RCAN2: variants seen among roughly 807,000 people sequenced by gnomAD.
RCAN2 encodes calcipressin-2.
RCAN2 carries 9 observed loss-of-function variants against 23.6 expected under a neutral mutation model. That is an observed-to-expected ratio of 0.38 (90% CI 0.23 to 0.67). The LOEUF (loss-of-function observed/expected upper bound fraction) is 0.67, where lower values mean the gene tolerates loss of function less well. Ranked by LOEUF, RCAN2 falls within the 30% of genes least tolerant of loss-of-function variation. The probability of loss-of-function intolerance (pLI) is 0.51; values close to 1 mark genes in which losing one functional copy is unlikely to be tolerated. For missense variants in RCAN2, 273 were observed against 302.3 expected (o/e 0.90, Z 0.72); for synonymous variants, 109 against 115.7 (o/e 0.94, Z 0.37).
intron 3 of RCAN2, among the ~76,000 whole-genome samples, chr6:46,247,271 C>T (rs1219711276): frequency 6.6e-6 from 1 of 152,170 alleles, no homozygotes; most frequent in African/African-American, 2.4e-5. Flanking sequence ...TCCACTGTCC[C>T]ACCACGCACC....
chr6:46,365,697 ATTT>A (rs1360184797), intron 2 of RCAN2, among the ~76,000 whole-genome samples: 1 of 152,096 alleles, frequency 6.6e-6, no homozygotes, highest in Non-Finnish European at 1.5e-5. Flanking sequence ...ATAGTCTCAA[ATTT>A]TATACTTAAA....
At chr6:46,353,769 C>A (rs1163008753) in intron 2 of RCAN2, among the ~76,000 whole-genome samples, 1 of 152,166 alleles carries the variant, frequency 6.6e-6, no homozygotes, top group Admixed American at 6.5e-5. Context: ...GAGAAGGAAA[C>A]ACTGATTTAT....
At chr6:46,309,558 T>C (rs1582090530) in intron 2 of RCAN2, among the ~76,000 whole-genome samples, 2 of 152,172 alleles carry the variant, frequency 1.3e-5, no homozygotes, top group African/African-American at 4.8e-5. Context: ...ATACAATTAA[T>C]TGACAATGCT....
At chr6:46,262,390 G>T (rs1767139576) in intron 2 of RCAN2, among the ~76,000 whole-genome samples, 1 of 151,920 alleles carries the variant, frequency 6.6e-6, no homozygotes. Flanking sequence ...ACTGCACTTG[G>T]TCTCCCTGGT....
At chr6:46,443,057 G>A (rs967364246) in intron 2 of RCAN2, among the ~76,000 whole-genome samples, 2 of 152,152 alleles carry the variant, frequency 1.3e-5, no homozygotes, top group Non-Finnish European at 2.9e-5. Flanking sequence ...TTAACCTCCA[G>A]AGTACAATGA....
Position 46,481,023 on chromosome 6 carries a change from A to C in RCAN2, c.-3+10150T>G, listed in dbSNP as rs141957929. Among the ~76,000 whole-genome samples the C allele has an allele frequency of 1.0e-3, 155 of 152,360 alleles. 1 individual carries two copies. Among genetic ancestry groups the C allele is most frequent in the African/African-American group, 3.6e-3 (151 of 41,586 alleles). On this transcript the variant is annotated intron_variant, in intron 1 of 4. Coordinates refer to ENST00000371374, the MANE Select transcript of RCAN2 (RefSeq NM_001251974.2). ...TTCGTGTTTCCGAATTATTTAGAAT[A>C]AATATGATGGATAGTCAGTTCATTT...
rs535095293 is a variant in RCAN2 at position 46,230,930 on chromosome 6, C to T, written c.572-7629G>A. 7.8e-4 allele frequency among the ~76,000 whole-genome samples: 119 copies of T among 152,222 alleles called. 1 individual carries two copies. Among genetic ancestry groups the T allele is most frequent in the African/African-American group, 2.4e-3 (99 of 41,534 alleles). ...TACAGTTTTAAATTCTGGGTGCTGACGTTAGGGAATGAGGAACACTGATAA... is the reference window on the plus strand; with the variant it reads ...TACAGTTTTAAATTCTGGGTGCTGATGTTAGGGAATGAGGAACACTGATAA... On this transcript the variant is annotated intron_variant, in intron 4 of 4. Transcript: ENST00000371374.
chr6:46,268,128 G>A (rs1405810813), intron 2 of RCAN2, among the ~76,000 whole-genome samples: 4 of 152,164 alleles, frequency 2.6e-5, no homozygotes, highest in Non-Finnish European at 5.9e-5. Flanking sequence ...TGGGAGTTTG[G>A]ATTTGCTGTT....
chr6:46,420,158 T>C (rs1003171196), intron 2 of RCAN2, among the ~76,000 whole-genome samples: 3 of 151,706 alleles, frequency 2.0e-5, no homozygotes, highest in Non-Finnish European at 4.4e-5. Flanking sequence ...TTATAAGCCA[T>C]ACAACCCTCA....
At chr6:46,335,802 G>A (rs551622691) in intron 2 of RCAN2, among the ~76,000 whole-genome samples, 3 of 152,226 alleles carry the variant, frequency 2.0e-5, no homozygotes, top group Admixed American at 1.3e-4. Context: ...TGTTTAGAAT[G>A]TCATATTTAT....
chr6:46,310,032 A>G (rs1763204775), intron 2 of RCAN2, among the ~76,000 whole-genome samples: 1 of 152,128 alleles, frequency 6.6e-6, no homozygotes, highest in African/African-American at 2.4e-5. Context: ...GTGCTTATAT[A>G]CTACCCATCC....
intron 2 of RCAN2, among the ~76,000 whole-genome samples, chr6:46,299,971 T>C (rs1762852552): frequency 1.3e-5 from 2 of 152,004 alleles, no homozygotes; most frequent in South Asian, 4.1e-4. Context: ...ATTTTTATGA[T>C]ATACACGAAG....
intron 1 of RCAN2, among the ~76,000 whole-genome samples, chr6:46,466,451 C>T (rs1768387730): frequency 6.6e-6 from 1 of 152,066 alleles, no homozygotes; most frequent in Non-Finnish European, 1.5e-5. Context: ...ACAGGACTCA[C>T]TAGAAGTCCA....
intron 2 of RCAN2, among the ~76,000 whole-genome samples, chr6:46,282,381 T>TA (rs746550021): frequency 0.085 from 11,689 of 137,958 alleles, 586 homozygotes; most frequent in African/African-American, 0.14. Context: ...TCATCTCTAC[T>TA]AAAAAAAAAA....
chr6:46,361,194 A>G (rs903945267), intron 2 of RCAN2, among the ~76,000 whole-genome samples: 1 of 152,204 alleles, frequency 6.6e-6, no homozygotes, highest in African/African-American at 2.4e-5. Context: ...AAGAAGTGAC[A>G]TGGAGAACTC....
At chr6:46,249,157 G>A (rs756636034) in intron 2 of RCAN2, among the ~76,000 whole-genome samples, 5 of 151,556 alleles carry the variant, frequency 3.3e-5, no homozygotes, top group African/African-American at 4.9e-5. Context: ...GGGAAATTAC[G>A]CAAAATGTTG....
intron 2 of RCAN2, among the ~76,000 whole-genome samples, chr6:46,275,812 G>T (rs1046890651): frequency 6.6e-6 from 1 of 152,186 alleles, no homozygotes; most frequent in Non-Finnish European, 1.5e-5. Flanking sequence ...CGACCAGAAA[G>T]TTTCTTAAAG....
chr6:46,447,949 C>A (rs1410221856), intron 2 of RCAN2, among the ~76,000 whole-genome samples: 6 of 151,134 alleles, frequency 4.0e-5, no homozygotes, highest in African/African-American at 1.2e-4. Flanking sequence ...AAGAAAAGAA[C>A]AAACTAAGCC....
At chr6:46,434,574 A>G (rs945058501) in intron 2 of RCAN2, among the ~76,000 whole-genome samples, 44 of 152,144 alleles carry the variant, frequency 2.9e-4, no homozygotes, top group African/African-American at 9.2e-4. Context: ...AAAGAAAAGA[A>G]CTCAGAATGA....
Sources: gnomAD v4.1 joint callset for allele counts (sites outside exome capture counted in the v4.1 genomes callset) on GRCh38, gnomAD v4.1.1 for gene constraint, MANE v1.5 for transcripts, NCBI Gene and HGNC (gene_info 2026-07-23, HGNC 2026-07-21) for gene names.